PLEKHA5: variants seen among roughly 807,000 people sequenced by gnomAD.
The protein encoded by PLEKHA5 is pleckstrin homology domain containing A5.
Under a neutral mutation model 181.9 loss-of-function variants are expected in PLEKHA5, and 55 were observed. The observed-to-expected ratio is 0.30, with a 90% CI of 0.24 to 0.38. The LOEUF is 0.38. Ranked by LOEUF, PLEKHA5 falls within the 10% of genes least tolerant of loss-of-function variation. PLEKHA5 has a pLI of 1.00. For synonymous variants in PLEKHA5, 535 were observed against 529.4 expected, an observed-to-expected ratio of 1.01 and a Z score of -0.15; for missense variants, 1,432 against 1,549.5, an observed-to-expected ratio of 0.92 and a Z score of 1.27.
chr12:19,318,334 A>G (rs1320019557), intron 16 of PLEKHA5, among the ~76,000 whole-genome samples: 2 of 152,160 alleles, frequency 1.3e-5, no homozygotes, highest in Non-Finnish European at 2.9e-5. Flanking sequence ...TTATATGGCT[A>G]TAAAGGATAT....
rs142923441 is a variant in PLEKHA5, at chr12:19,326,892, A to G, written c.2448+4225A>G. Among the ~76,000 whole-genome samples, 518 of 152,340 alleles carry G rather than the reference A, an allele frequency of 3.4e-3. 6 individuals are homozygous for G. Among genetic ancestry groups the G allele is most frequent in the African/African-American group, 0.012 (484 of 41,582 alleles). On this transcript the variant is annotated intron_variant, in intron 20 of 31. Transcript: ENST00000429027. ...CTGCATCCATGATGCTGCAAAGGACATGATTTCATTCTTTGTTATGGTTGT... is the reference window on the plus strand; with the variant it reads ...CTGCATCCATGATGCTGCAAAGGACGTGATTTCATTCTTTGTTATGGTTGT...
chr12:19,363,581 T>C (rs2095330883), intron 29 of PLEKHA5, among the ~76,000 whole-genome samples: 1 of 151,778 alleles, frequency 6.6e-6, no homozygotes, highest in Non-Finnish European at 1.5e-5. Context: ...AACCTCCACC[T>C]CCTGGGTTCA....
chr12:19,223,111 G>T (rs1565484933), intron 3 of PLEKHA5, among the ~76,000 whole-genome samples: 1 of 147,246 alleles, frequency 6.8e-6, no homozygotes, highest in Non-Finnish European at 1.5e-5. Context: ...CCAAAATGTT[G>T]CTGAGTGCCT....
At chr12:19,341,025 A>T (rs2093885328) in intron 21 of PLEKHA5, among the ~76,000 whole-genome samples, 1 of 152,144 alleles carries the variant, frequency 6.6e-6, no homozygotes, top group Non-Finnish European at 1.5e-5. Flanking sequence ...TAATCCCAGC[A>T]CTTTGGGAGG....
chr12:19,190,781 T>C (rs74064426), intron 3 of PLEKHA5, among the ~76,000 whole-genome samples: 14,253 of 152,234 alleles, frequency 0.094, 923 homozygotes, highest in African/African-American at 0.19. Context: ...GAAGAGACTT[T>C]CCTATTCTCA....
At chr12:19,272,995 C>T (rs2073436780) in intron 10 of PLEKHA5, among the ~76,000 whole-genome samples, 1 of 152,148 alleles carries the variant, frequency 6.6e-6, no homozygotes, top group Admixed American at 6.5e-5. Flanking sequence ...CAAACTCTGC[C>T]TCTCAGGTTC....
chr12:19,199,176 G>A (rs2053630300), intron 3 of PLEKHA5, among the ~76,000 whole-genome samples: 1 of 152,046 alleles, frequency 6.6e-6, no homozygotes, highest in Non-Finnish European at 1.5e-5. Context: ...AAATTATTAT[G>A]CAGAATTTAT....
intron 3 of PLEKHA5, among the ~76,000 whole-genome samples, chr12:19,228,763 CT>C (rs1450795632): frequency 2.0e-5 from 3 of 152,226 alleles, no homozygotes; most frequent in Middle Eastern, 6.8e-3. Context: ...TAGACATTCT[CT>C]TTTTTTCTTT....
chr12:19,201,719 A>G (rs2054248775), intron 3 of PLEKHA5: 1 of 152,170 alleles, frequency 6.6e-6, no homozygotes, highest in Admixed American at 6.6e-5. Flanking sequence ...CACAGACTAC[A>G]CATTGTATAA....
At chr12:19,258,544 C>CA (rs1555132372) in intron 6 of PLEKHA5, among the ~76,000 whole-genome samples, 2 of 132,694 alleles carry the variant, frequency 1.5e-5, no homozygotes, top group African/African-American at 2.7e-5. Flanking sequence ...CATTTAGTTT[C>CA]TTTTTTTTTT....
In PLEKHA5 at chr12:19,353,919, G is replaced by A. The variant is rs1317540556; in HGVS notation, c.3055G>A (p.Ala1019Thr). The A allele has an allele frequency of 5.0e-6, 8 of 1,609,552 alleles. No individual in the cohort carries two copies. The highest frequency in any genetic ancestry group is 2.2e-5 in the East Asian group (1 of 44,816). The change falls in exon 26 of 32, where the codon GCA becomes ACA. Residue 1019 changes from alanine (A) to threonine (T), a missense_variant. Coordinates refer to ENST00000429027, the MANE Select transcript of PLEKHA5 (RefSeq NM_001256470.2). ...TCCTGTTGGAGTAGTCCCTCCAAGA[G>A]CAAAATCACCAACACCCGAATCTTC... ...HFPVGVVPPR[A>T]KSPTPESSTI...
At chr12:19,211,529 T>C (rs1052528473) in intron 3 of PLEKHA5, among the ~76,000 whole-genome samples, 1 of 152,172 alleles carries the variant, frequency 6.6e-6, no homozygotes, top group Admixed American at 6.5e-5. Context: ...TTACGGCCTA[T>C]GGAATCCCTC....
chr12:19,255,049 G>C lies in PLEKHA5; in HGVS notation c.316G>C (p.Val106Leu), dbSNP rs200159474. 10 of 1,604,052 alleles carry C rather than the reference G, an allele frequency of 6.2e-6. No individual in the cohort carries two copies. The highest frequency in any genetic ancestry group is 8.5e-6 in the Non-Finnish European group (10 of 1,173,618). The change falls in exon 5 of 32, where the codon GTT (valine) becomes CTT (leucine). Residue 106 changes from valine (V) to leucine (L), a missense_variant. Val to Leu is a conservative substitution (Grantham distance 32, BLOSUM62 1). Coordinates refer to ENST00000429027, the MANE Select transcript of PLEKHA5 (RefSeq NM_001256470.2). ...NCIFVVNEQT[V>L]ATMTSEEKKE... is the part of the protein sequence containing the mutation. ...CATTTTGACATATATTTTCAGGACT[G>C]TTGCAACCATGACATCTGAAGAAAA...
intron 15 of PLEKHA5, among the ~76,000 whole-genome samples, chr12:19,304,122 T>C (rs1445625131): frequency 6.6e-6 from 1 of 150,902 alleles, no homozygotes; most frequent in Admixed American, 6.6e-5. Flanking sequence ...ACCCCATCTC[T>C]TAAGAAAAAG....
At chr12:19,269,395 G>GAAAAAAAAAAAAAAA (rs66531923) in intron 8 of PLEKHA5, among the ~76,000 whole-genome samples, 1 of 105,848 alleles carries the variant, frequency 9.4e-6, no homozygotes. Flanking sequence ...TCAAAAAAAA[G>GAAAAAAAAAAAAAAA]AAAAAAAAAA....
intron 3 of PLEKHA5, among the ~76,000 whole-genome samples, chr12:19,204,476 C>A (rs538759520): frequency 6.6e-6 from 1 of 152,166 alleles, no homozygotes; most frequent in South Asian, 2.1e-4. Context: ...AACTTCTTGA[C>A]CATATTTTCA....
At chr12:19,235,603 A>G (rs904279718) in intron 3 of PLEKHA5, among the ~76,000 whole-genome samples, 8 of 152,286 alleles carry the variant, frequency 5.3e-5, no homozygotes, top group East Asian at 1.9e-4. Flanking sequence ...GAGTAAGGAA[A>G]TGGAGTCACG....
At chr12:19,309,636 C>T (rs2152976751) in intron 15 of PLEKHA5, among the ~76,000 whole-genome samples, 1 of 152,090 alleles carries the variant, frequency 6.6e-6, no homozygotes, top group East Asian at 1.9e-4. Context: ...ATCCCAGCTA[C>T]TCGGGAGTCT....
intron 5 of PLEKHA5, among the ~76,000 whole-genome samples, chr12:19,255,694 C>G (rs529207138): frequency 6.6e-6 from 1 of 151,420 alleles, no homozygotes; most frequent in South Asian, 2.1e-4. Flanking sequence ...AACAGGCTAA[C>G]TGAGCATAAT....
Sources: gnomAD v4.1 joint callset for allele counts (sites outside exome capture counted in the v4.1 genomes callset) on GRCh38, gnomAD v4.1.1 for gene constraint, MANE v1.5 for transcripts, NCBI Gene and HGNC (gene_info 2026-07-23, HGNC 2026-07-21) for gene names.